INPP5D: variants seen among roughly 807,000 people sequenced by gnomAD.
INPP5D encodes phosphatidylinositol 3,4,5-trisphosphate 5-phosphatase 1.
In INPP5D, 33 loss-of-function variants were observed where a neutral mutation model predicts 122.9. That is an observed-to-expected ratio of 0.27 (90% CI 0.20 to 0.36). INPP5D has a LOEUF of 0.36. Ranked by LOEUF, INPP5D falls within the 10% of genes least tolerant of loss-of-function variation. The probability of loss-of-function intolerance (pLI) is 1.00; values close to 1 mark genes in which losing one functional copy is unlikely to be tolerated. For synonymous variants in INPP5D, 584 were observed against 576.2 expected, an observed-to-expected ratio of 1.01 and a Z score of -0.19; for missense variants, 1,053 against 1,412.7, an observed-to-expected ratio of 0.75 and a Z score of 4.08.
chr2:233,086,175 T>TTCTTTC (rs1691839938), intron 2 of INPP5D, among the ~76,000 whole-genome samples: 1 of 149,832 alleles, frequency 6.7e-6, no homozygotes, highest in South Asian at 2.1e-4. Context: ...CTTTCTTTCT[T>TTCTTTC]TCTTTCTTTC....
At chr2:233,186,683 T>G (rs1489401637) in intron 21 of INPP5D, among the ~76,000 whole-genome samples, 1 of 108,384 alleles carries the variant, frequency 9.2e-6, no homozygotes, top group African/African-American at 3.3e-5. Context: ...TTTTTCTCTT[T>G]CTTTTTTTTT....
At chr2:233,126,479 C>T (rs1258043037) in intron 4 of INPP5D, among the ~76,000 whole-genome samples, 1 of 152,212 alleles carries the variant, frequency 6.6e-6, no homozygotes, top group East Asian at 1.9e-4. Flanking sequence ...CCTGGACATA[C>T]CCATTGGTTC....
chr2:233,069,070 C>A (rs1457442696), intron 1 of INPP5D, among the ~76,000 whole-genome samples: 1 of 152,196 alleles, frequency 6.6e-6, no homozygotes, highest in Admixed American at 6.5e-5. Flanking sequence ...GACGGGGGTA[C>A]TCAGGCTTGA....
At position 233,186,044 on chromosome 2, in the gene INPP5D, A is replaced by C. The variant is rs1163568058; in HGVS notation, c.2358+119A>C. The C allele has an allele frequency of 3.8e-6, 5 of 1,315,152 alleles. No individual in the cohort carries two copies. The African/African-American group carries it at 7.6e-5, about 20-fold the overall frequency. The allele number at this position is 1,315,152 out of a possible 1,614,324, so 81.5% of individuals were successfully genotyped here. A position where few individuals can be genotyped will look rare whatever the true frequency, so the allele number is the denominator to read the frequency against. On this transcript the variant is annotated intron_variant, in intron 21 of 26. Transcript: ENST00000445964. Reference sequence around the variant, plus strand: ...GAGGAAGCAGGAATCTCATAGACCAAATGCAGAAAGAGACCCACTCTAGGA... The same window carrying C: ...GAGGAAGCAGGAATCTCATAGACCACATGCAGAAAGAGACCCACTCTAGGA...
chr2:233,070,581 A>G (rs1691351286), intron 1 of INPP5D, among the ~76,000 whole-genome samples: 1 of 152,044 alleles, frequency 6.6e-6, no homozygotes, highest in Admixed American at 6.6e-5. Context: ...AGCTGGGATT[A>G]CAGGCTCCCG....
intron 11 of INPP5D, among the ~76,000 whole-genome samples, chr2:233,162,150 G>A (rs1209837322): frequency 1.3e-5 from 2 of 152,266 alleles, no homozygotes; most frequent in Middle Eastern, 3.4e-3. Flanking sequence ...AACCCTGCCA[G>A]CCCTAGGCAG....
intron 11 of INPP5D, among the ~76,000 whole-genome samples, chr2:233,162,898 C>T (rs1694232413): frequency 6.6e-6 from 1 of 152,214 alleles, no homozygotes; most frequent in Non-Finnish European, 1.5e-5. Context: ...TCCCTCTGGA[C>T]ATGGTCAGGG....
chr2:233,148,201 G>C (rs369503820), intron 9 of INPP5D, among the ~76,000 whole-genome samples: 1 of 152,254 alleles, frequency 6.6e-6, no homozygotes, highest in Non-Finnish European at 1.5e-5. Context: ...CAGCAGGGCA[G>C]ATGAGGCCCC....
chr2:233,163,550 C>T (rs564957593), intron 11 of INPP5D, among the ~76,000 whole-genome samples, 157 bp from the exon 12 acceptor site: 7 of 152,142 alleles, frequency 4.6e-5, no homozygotes, highest in Non-Finnish European at 8.8e-5. Flanking sequence ...GTGAGGTTGG[C>T]GCCCAGGCCT....
In INPP5D at chr2:233,204,737, G is replaced by T; in HGVS notation, c.3567+20G>T. ...ATGCAGGTGCGCTGCGCCACACGTG[G>T]GTTCGTGTGCATTTGTGTGTGTGTG... On this transcript the variant is annotated intron_variant, in intron 26 of 26. Coordinates refer to ENST00000445964, the MANE Select transcript of INPP5D (RefSeq NM_001017915.3). The T allele has an allele frequency of 6.8e-7, 1 of 1,469,800 alleles. No homozygotes were observed. The highest frequency in any genetic ancestry group is 1.4e-5 in the South Asian group (1 of 73,102). The allele number at this position is 1,469,800 out of a possible 1,614,324, so 91.0% of individuals were successfully genotyped here. A position where few individuals can be genotyped will look rare whatever the true frequency, so the allele number is the denominator to read the frequency against.
intron 6 of INPP5D, chr2:233,140,647 G>T (rs1031087952): frequency 6.6e-6 from 1 of 152,192 alleles, no homozygotes; most frequent in African/African-American, 2.4e-5. Context: ...TATTAAAACT[G>T]CAATACTTTT....
chr2:233,131,719 G>A (rs10174028), intron 5 of INPP5D, among the ~76,000 whole-genome samples: 5,864 of 152,008 alleles, frequency 0.039, 133 homozygotes, highest in African/African-American at 0.055. Flanking sequence ...AACAAACAAA[G>A]GAAAGAAAGG....
chr2:233,116,680 A>G (rs964788287), intron 2 of INPP5D, among the ~76,000 whole-genome samples: 3 of 151,304 alleles, frequency 2.0e-5, no homozygotes, highest in Non-Finnish European at 1.5e-5. Flanking sequence ...CACTGAAACC[A>G]CTGCTGCTTG....
chr2:233,077,108 G>T (rs1167431559), intron 1 of INPP5D, among the ~76,000 whole-genome samples: 1 of 152,178 alleles, frequency 6.6e-6, no homozygotes, highest in Non-Finnish European at 1.5e-5. Context: ...CACTTGGCTT[G>T]AGAAGACCTC....
At chr2:233,148,054 A>G (rs749600300) in intron 9 of INPP5D, among the ~76,000 whole-genome samples, 2 of 152,232 alleles carry the variant, frequency 1.3e-5, no homozygotes, top group Admixed American at 6.5e-5. Context: ...CCCAGCATGT[A>G]GTGGCCACTT....
chr2:233,102,875 A>AAAAAAAC (rs1692357954), intron 2 of INPP5D, among the ~76,000 whole-genome samples: 1 of 151,520 alleles, frequency 6.6e-6, no homozygotes, highest in South Asian at 2.1e-4. Context: ...CAACCAAAAA[A>AAAAAAAC]CCACAGCGCC....
At chr2:233,094,512 C>CAAAAAAAAAAAAAAAAAAAAAAA in intron 2 of INPP5D, among the ~76,000 whole-genome samples, 1 of 34,972 alleles carries the variant, frequency 2.9e-5, no homozygotes, top group Non-Finnish European at 4.8e-5. Flanking sequence ...GACTCCATCC[C>CAAAAAAAAAAAAAAAAAAAAAAA]AAAAAAAAAA....
intron 6 of INPP5D, chr2:233,140,150 T>A (rs1454723159): frequency 2.9e-6 from 1 of 344,488 alleles, no homozygotes; most frequent in African/African-American, 2.1e-5. Context: ...GAATAAAGAT[T>A]TCAAATTATG....
At chr2:233,087,323 T>G (rs1296024364) in intron 2 of INPP5D, among the ~76,000 whole-genome samples, 1 of 151,826 alleles carries the variant, frequency 6.6e-6, no homozygotes, top group Non-Finnish European at 1.5e-5. Flanking sequence ...TTATATTTAT[T>G]TATTTATTTA....
Sources: gnomAD v4.1 joint callset for allele counts (sites outside exome capture counted in the v4.1 genomes callset) on GRCh38, gnomAD v4.1.1 for gene constraint, MANE v1.5 for transcripts, NCBI Gene and HGNC (gene_info 2026-07-23, HGNC 2026-07-21) for gene names.